DAAM1: variants seen among roughly 807,000 people sequenced by gnomAD.
DAAM1 encodes the protein dishevelled associated activator of morphogenesis 1, also known as disheveled-associated activator of morphogenesis 1.
A neutral mutation model predicts 130.0 loss-of-function variants in DAAM1; 52 were observed. The observed-to-expected ratio is 0.40, with a 90% CI of 0.32 to 0.50. The LOEUF is 0.50. Ranked by LOEUF, DAAM1 falls within the 20% of genes least tolerant of loss-of-function variation. The pLI is 0.61. For synonymous variants in DAAM1, 452 were observed against 444.5 expected (o/e 1.02, Z -0.21); for missense variants, 1,134 against 1,303.8 (o/e 0.87, Z 2.01).
At chr14:59,255,571 A>T (rs1881843290) in intron 1 of DAAM1, among the ~76,000 whole-genome samples, 1 of 152,208 alleles carries the variant, frequency 6.6e-6, no homozygotes, top group Non-Finnish European at 1.5e-5. Flanking sequence ...AATGCAAATT[A>T]CACATCAGAG....
At chr14:59,344,856 C>T (rs1886008444) in intron 16 of DAAM1, among the ~76,000 whole-genome samples, 1 of 152,184 alleles carries the variant, frequency 6.6e-6, no homozygotes, top group Non-Finnish European at 1.5e-5. Context: ...CTCTGATTTT[C>T]AACTCCTTTT....
intron 17 of DAAM1, among the ~76,000 whole-genome samples, chr14:59,351,305 C>A (rs1369883031): frequency 6.6e-6 from 1 of 152,142 alleles, no homozygotes; most frequent in Non-Finnish European, 1.5e-5. Context: ...CATTTTTAAT[C>A]TCTTCTAATT....
intron 2 of DAAM1, among the ~76,000 whole-genome samples, chr14:59,275,233 A>G (rs1882912072): frequency 6.6e-6 from 1 of 152,118 alleles, no homozygotes; most frequent in African/African-American, 2.4e-5. Context: ...AATTAGGAAA[A>G]CATGCTTAGA....
chr14:59,207,403 G>A (rs748325208), intron 1 of DAAM1, among the ~76,000 whole-genome samples: 2 of 152,090 alleles, frequency 1.3e-5, no homozygotes, highest in Non-Finnish European at 1.5e-5. Flanking sequence ...CAAACTTTTC[G>A]ATTTCAGGAC....
chr14:59,346,688 A>T (rs1342000248), intron 16 of DAAM1, among the ~76,000 whole-genome samples: 1 of 152,038 alleles, frequency 6.6e-6, no homozygotes, highest in African/African-American at 2.4e-5. Context: ...TGTGATCAAG[A>T]TTTTTTTCCC....
intron 15 of DAAM1, among the ~76,000 whole-genome samples, chr14:59,334,399 G>T (rs138727398): frequency 2.0e-5 from 3 of 152,002 alleles, no homozygotes; most frequent in African/African-American, 7.3e-5. Flanking sequence ...TTTTCTACTC[G>T]CAAATGAATA....
At chr14:59,288,711 TAAGAA>T (rs1239321253) in intron 2 of DAAM1, among the ~76,000 whole-genome samples, 1 of 152,100 alleles carries the variant, frequency 6.6e-6, no homozygotes, top group Admixed American at 6.6e-5. Context: ...GGCAATTTAC[TAAGAA>T]AAGAGGTTTA....
chr14:59,284,336 G>A (rs1331325413), intron 2 of DAAM1, among the ~76,000 whole-genome samples: 1 of 152,142 alleles, frequency 6.6e-6, no homozygotes, highest in African/African-American at 2.4e-5. Context: ...GGGAATATAA[G>A]ATGTGAAGTC....
chr14:59,319,575 G>A (rs933973862), intron 4 of DAAM1, among the ~76,000 whole-genome samples: 3 of 152,158 alleles, frequency 2.0e-5, no homozygotes, highest in Non-Finnish European at 2.9e-5. Flanking sequence ...ACAAGCGTGT[G>A]TTCAGAATAG....
intron 1 of DAAM1, among the ~76,000 whole-genome samples, chr14:59,225,783 A>T (rs1888923443): frequency 6.6e-6 from 1 of 152,150 alleles, no homozygotes. Flanking sequence ...AAGTATTAAG[A>T]TGCCTGTTGT....
chr14:59,360,733 T>A lies in DAAM1; in HGVS notation c.2634-69T>A. 4 of 1,379,704 alleles carry A rather than the reference T, an allele frequency of 2.9e-6. 1 individual carries two copies. The South Asian group carries it at 4.1e-5, about 14-fold the overall frequency. 85.5% of individuals were successfully genotyped at this position (1,379,704 alleles called of 1,614,324 possible). A position where few individuals can be genotyped will look rare whatever the true frequency, so the allele number is the denominator to read the frequency against. On this transcript the variant is annotated intron_variant, in intron 21 of 24. Coordinates refer to ENST00000360909, the MANE Select transcript of DAAM1 (RefSeq NM_001270520.2). The stretch of plus-strand genomic sequence containing the variant: ...GGATGGACTTCCAAGCGTGAAATAT[T>A]TAAACCCATCTTATATTTAATATGT...
chr14:59,263,161 C>G (rs1159553013), intron 1 of DAAM1, among the ~76,000 whole-genome samples: 2 of 152,188 alleles, frequency 1.3e-5, no homozygotes, highest in Non-Finnish European at 2.9e-5. Flanking sequence ...AAAGAACAGA[C>G]AGTAGCTCAG....
chr14:59,276,166 C>T (rs1463273885), intron 2 of DAAM1, among the ~76,000 whole-genome samples: 2 of 152,162 alleles, frequency 1.3e-5, no homozygotes, highest in African/African-American at 4.8e-5. Flanking sequence ...ATTTTAAGTG[C>T]TTCTTTGGCA....
At chr14:59,258,872 C>T (rs1303470373) in intron 1 of DAAM1, among the ~76,000 whole-genome samples, 1 of 152,158 alleles carries the variant, frequency 6.6e-6, no homozygotes, top group Non-Finnish European at 1.5e-5. Context: ...AATTACCTGT[C>T]AAAGGCAATA....
intron 2 of DAAM1, among the ~76,000 whole-genome samples, chr14:59,278,007 T>C (rs1883046427): frequency 6.6e-6 from 1 of 152,182 alleles, no homozygotes; most frequent in Non-Finnish European, 1.5e-5. Flanking sequence ...TATATCTATG[T>C]TAAACTTTAT....
At chr14:59,300,939 C>A (rs748378015) in intron 3 of DAAM1, among the ~76,000 whole-genome samples, 1 of 152,068 alleles carries the variant, frequency 6.6e-6, no homozygotes, top group Admixed American at 6.6e-5. Flanking sequence ...TGCATATGTT[C>A]AAGAGTTTAT....
chr14:59,275,387 C>A (rs941346254), intron 2 of DAAM1, among the ~76,000 whole-genome samples: 6 of 151,822 alleles, frequency 4.0e-5, no homozygotes, highest in Admixed American at 3.9e-4. Context: ...CCGTGTAATA[C>A]AAGTTTACCT....
At chr14:59,198,177 GA>G (rs1887967928) in intron 1 of DAAM1, among the ~76,000 whole-genome samples, 2 of 150,258 alleles carry the variant, frequency 1.3e-5, no homozygotes, top group Non-Finnish European at 3.0e-5. Flanking sequence ...TCCATTTGCT[GA>G]TTTGCCTTTC....
intron 1 of DAAM1, among the ~76,000 whole-genome samples, chr14:59,240,534 A>G (rs1379380350): frequency 6.6e-6 from 1 of 152,190 alleles, no homozygotes; most frequent in African/African-American, 2.4e-5. Context: ...TAGTAGTTAA[A>G]TGATGTCATC....
Sources: gnomAD v4.1 joint callset for allele counts (sites outside exome capture counted in the v4.1 genomes callset) on GRCh38, gnomAD v4.1.1 for gene constraint, MANE v1.5 for transcripts, NCBI Gene and HGNC (gene_info 2026-07-23, HGNC 2026-07-21) for gene names.